The following BABAM2 variants were observed in gnomAD, a reference collection of about 807,000 sequenced individuals.
BABAM2 encodes the protein BRISC and BRCA1 A complex member 2.
In BABAM2, 31 loss-of-function variants were observed where a neutral mutation model predicts 54.7. The observed-to-expected ratio is 0.57, with a 90% CI of 0.43 to 0.77. BABAM2 has a LOEUF of 0.77. BABAM2 is among the 30% of genes least tolerant of loss of function. The pLI is 0.00. For synonymous variants in BABAM2, 167 were observed against 162.9 expected (o/e 1.03, Z -0.19); for missense variants, 364 against 455.8 (o/e 0.80, Z 1.83).
chr2:28,255,876 G>C (rs575713508), intron 10 of BABAM2, among the ~76,000 whole-genome samples: 1 of 152,138 alleles, frequency 6.6e-6, no homozygotes, highest in Admixed American at 6.5e-5. Context: ...ATGTTCCCCA[G>C]GCTGGTCTTA....
chr2:28,311,407 TAGAC>T (rs1301905577), intron 11 of BABAM2, among the ~76,000 whole-genome samples: 1 of 152,050 alleles, frequency 6.6e-6, no homozygotes, highest in Non-Finnish European at 1.5e-5. Flanking sequence ...CCTGGAAAAA[TAGAC>T]AGGTGTCCTA....
intron 2 of BABAM2, among the ~76,000 whole-genome samples, chr2:27,923,112 CTG>C (rs920316381): frequency 6.6e-6 from 1 of 152,162 alleles, no homozygotes; most frequent in Non-Finnish European, 1.5e-5. Context: ...CCCAAAGAAA[CTG>C]TGAAAGATAA....
intron 10 of BABAM2, among the ~76,000 whole-genome samples, chr2:28,280,116 T>C (rs939178416): frequency 2.0e-5 from 3 of 151,904 alleles, no homozygotes; most frequent in African/African-American, 7.3e-5. Context: ...TAGAATGCAA[T>C]GGTTTGAACA....
intron 10 of BABAM2, among the ~76,000 whole-genome samples, chr2:28,257,765 G>A (rs527399364): frequency 7.9e-5 from 12 of 152,256 alleles, no homozygotes; most frequent in African/African-American, 2.9e-4. Context: ...TGCACCTGTA[G>A]TCTCAGCTAC....
At chr2:28,302,562 G>T (rs1167254007) in intron 11 of BABAM2, among the ~76,000 whole-genome samples, 7 of 152,156 alleles carry the variant, frequency 4.6e-5, no homozygotes, top group Non-Finnish European at 7.3e-5. Context: ...TAATAGAGCT[G>T]CTATGACCAA....
At chr2:28,305,396 C>T (rs180682465) in intron 11 of BABAM2, among the ~76,000 whole-genome samples, 76 of 152,152 alleles carry the variant, frequency 5.0e-4, no homozygotes, top group Admixed American at 1.6e-3. Flanking sequence ...AAACCCTTCT[C>T]GGTCATGATT....
In BABAM2 at chr2:28,055,834, C is replaced by T. The variant is rs184576200; in HGVS notation, c.570+10035C>T. ...AGTCACAAGAGCCAACATATGGAAA[C>T]AACCTAATTGTTCAACAGTGGTTGA... On this transcript the variant is annotated intron_variant, in intron 6 of 11. Coordinates refer to ENST00000379624, the MANE Select transcript of BABAM2 (RefSeq NM_199191.3). Among the ~76,000 whole-genome samples, 54 of 152,306 alleles carry T rather than the reference C, an allele frequency of 3.5e-4. No homozygotes were observed. The East Asian group carries it at 0.01, about 29-fold the overall frequency.
chr2:28,182,159 T>C (rs1002661163), intron 7 of BABAM2, among the ~76,000 whole-genome samples: 2 of 152,162 alleles, frequency 1.3e-5, no homozygotes, highest in African/African-American at 4.8e-5. Context: ...CACTGGCTTA[T>C]ACTCTGAGAG....
Position 28,283,832 on chromosome 2 carries a change from C to A in BABAM2, c.935-14506C>A, listed in dbSNP as rs113892026. Among the ~76,000 whole-genome samples the A allele has an allele frequency of 4.5e-3, 690 of 152,138 alleles. 5 individuals carry two copies. Among genetic ancestry groups the A allele is most frequent in the African/African-American group, 0.016 (664 of 41,476 alleles). On this transcript the variant is annotated intron_variant, in intron 10 of 11. Coordinates refer to ENST00000379624, the MANE Select transcript of BABAM2 (RefSeq NM_199191.3). ...AGTCATTTAGAAAGGGATAGGGGAG[C>A]AGTAAATGTAAGGTCCATTTTATAG...
intron 7 of BABAM2, among the ~76,000 whole-genome samples, chr2:28,194,637 G>A (rs6722113): frequency 0.43 from 59,640 of 137,226 alleles, 13,349 homozygotes; most frequent in East Asian, 0.67. Context: ...GCTGGAGTAC[G>A]GTGGCACGAT....
At chr2:28,007,311 C>T (rs1194109701) in intron 4 of BABAM2, among the ~76,000 whole-genome samples, 1 of 151,918 alleles carries the variant, frequency 6.6e-6, no homozygotes, top group South Asian at 2.1e-4. Flanking sequence ...TACATATTAT[C>T]GTTAAATTTA....
intron 4 of BABAM2, among the ~76,000 whole-genome samples, chr2:27,994,539 C>G (rs1221276243): frequency 1.3e-5 from 2 of 152,192 alleles, no homozygotes; most frequent in African/African-American, 4.8e-5. Context: ...ATTTTTGCCT[C>G]TCTTTGATCT....
rs1279066063 is a variant in BABAM2 at position 28,189,212 on chromosome 2, AG to A, written c.681-47988del. 6.0e-5 allele frequency among the ~76,000 whole-genome samples: 9 copies of A among 151,132 alleles called. No individual in the cohort carries two copies. In the East Asian group the frequency reaches 1.4e-3, roughly 23 times the overall value. ...GAGACTCCCTCTCAAAAAAAAAAAA[AG>A]GATTTCTCTTCTGTTTGCTTATCAA... is the stretch of plus-strand genomic sequence containing the variant. On this transcript the variant is annotated intron_variant, in intron 7 of 11. Coordinates refer to ENST00000379624, the MANE Select transcript of BABAM2 (RefSeq NM_199191.3).
At chr2:28,088,377 TG>T (rs1665863911) in intron 6 of BABAM2, among the ~76,000 whole-genome samples, 1 of 152,234 alleles carries the variant, frequency 6.6e-6, no homozygotes, top group Admixed American at 6.5e-5. Flanking sequence ...CATAAGGTGG[TG>T]ACTGCCATAG....
At position 27,890,943 on chromosome 2, in the gene BABAM2, C is replaced by T. The variant is rs1357400093; in HGVS notation, c.-25+101C>T. 6 of 152,614 alleles carry T rather than the reference C, an allele frequency of 3.9e-5. No homozygotes were observed. Among genetic ancestry groups the T allele is most frequent in the African/African-American group, 1.4e-4 (6 of 41,428 alleles). 9.5% of individuals were successfully genotyped at this position (152,614 alleles called of 1,614,324 possible). On this transcript the variant is annotated intron_variant, in intron 1 of 11. Transcript: ENST00000379624. This position sits in a 1 kb window ranked among gnomAD's most constrained non-coding sequence, Gnocchi z 4.8. ...ATGGCCAGGGGACTCGCCTCCTCTTCCTATGGAGAAGGCCCCCGTTCCAAA... is the reference window on the plus strand; with the variant it reads ...ATGGCCAGGGGACTCGCCTCCTCTTTCTATGGAGAAGGCCCCCGTTCCAAA...
At chr2:28,068,204 A>C (rs935130903) in intron 6 of BABAM2, among the ~76,000 whole-genome samples, 1 of 152,240 alleles carries the variant, frequency 6.6e-6, no homozygotes, top group Admixed American at 6.5e-5. Flanking sequence ...GAATAGGAAC[A>C]GACTTCTGAT....
chr2:28,001,149 CATCTGT>C (rs1292412824), intron 4 of BABAM2, among the ~76,000 whole-genome samples: 3 of 152,176 alleles, frequency 2.0e-5, no homozygotes, highest in Admixed American at 1.3e-4. Context: ...TCTATGTAGC[CATCTGT>C]ACCTATATTA....
At chr2:27,906,868 A>G (rs1159056443) in intron 2 of BABAM2, among the ~76,000 whole-genome samples, 2 of 152,072 alleles carry the variant, frequency 1.3e-5, no homozygotes, top group Non-Finnish European at 2.9e-5. Flanking sequence ...CAATTTTTAG[A>G]TAGTATTTTT....
At chr2:28,028,590 A>G (rs568850940) in intron 5 of BABAM2, among the ~76,000 whole-genome samples, 21 of 152,298 alleles carry the variant, frequency 1.4e-4, no homozygotes, top group African/African-American at 4.3e-4. Flanking sequence ...AACGCCTGGA[A>G]CAGTGTCTTC....
Sources: gnomAD v4.1 joint callset for allele counts (sites outside exome capture counted in the v4.1 genomes callset) on GRCh38, gnomAD v4.1.1 for gene constraint, Gnocchi (gnomAD v3.1) non-coding constraint, MANE v1.5 for transcripts, NCBI Gene and HGNC (gene_info 2026-07-23, HGNC 2026-07-21) for gene names.